Variants in PTPRJ observed in about 807,000 individuals in gnomAD.
The protein encoded by PTPRJ is receptor-type tyrosine-protein phosphatase eta.
A neutral mutation model predicts 141.3 loss-of-function variants in PTPRJ; 129 were observed. The observed-to-expected ratio is 0.91, with a 90% CI of 0.79 to 1.06. The LOEUF (loss-of-function observed/expected upper bound fraction) is 1.06, where lower values mean the gene tolerates loss of function less well. Ranked by LOEUF, PTPRJ falls within the 50% of genes least tolerant of loss-of-function variation. PTPRJ has a pLI of 0.00. For synonymous variants in PTPRJ, 610 were observed against 640.5 expected (o/e 0.95, Z 0.72); for missense variants, 1,601 against 1,679.7 (o/e 0.95, Z 0.82).
At position 48,130,567 on chromosome 11, in the gene PTPRJ, A is replaced by T; in HGVS notation, c.1466A>T (p.Glu489Val). ...AESFQMHITQ[E>V]GAGNSRVEIT... Reference sequence around the variant, plus strand: ...TCATTTCAGATGCATATCACACAGGAGGGAGCTGGCAATTCTCGGGTAGAA... The same window carrying T: ...TCATTTCAGATGCATATCACACAGGTGGGAGCTGGCAATTCTCGGGTAGAA... Residue 489 changes from glutamate to valine, a missense_variant, in exon 8 of 25, where the codon GAG becomes GTG. Glu to Val is a moderately radical substitution (Grantham distance 121, BLOSUM62 -2). Coordinates refer to ENST00000418331, the MANE Select transcript of PTPRJ (RefSeq NM_002843.4). The T allele has an allele frequency of 6.2e-7, 1 of 1,614,114 alleles. No homozygotes were observed. Among genetic ancestry groups the T allele is most frequent in the Non-Finnish European group, 8.5e-7 (1 of 1,180,004 alleles).
chr11:48,106,829 C>T (rs767517239), intron 1 of PTPRJ, among the ~76,000 whole-genome samples: 17 of 138,646 alleles, frequency 1.2e-4, no homozygotes, highest in Admixed American at 4.7e-4. Context: ...AGTGCAGTGG[C>T]GCGATCTCAG....
Position 48,127,864 on chromosome 11 carries a change from C to T in PTPRJ, c.1178C>T (p.Ser393Leu), listed in dbSNP as rs368884395. Residue 393 changes from serine to leucine, a missense_variant, in exon 7 of 25, where the codon TCG becomes TTG. Ser to Leu is a moderately radical substitution (Grantham distance 145). Coordinates refer to ENST00000418331, the MANE Select transcript of PTPRJ (RefSeq NM_002843.4). ...ATCTGGAAAGTCAGCGATAACGAGTCGTCATCTAACTATACCTACAAGATA... is the reference window on the plus strand; with the variant it reads ...ATCTGGAAAGTCAGCGATAACGAGTTGTCATCTAACTATACCTACAAGATA... ...TLIWKVSDNE[S>L]SSNYTYKIHV... is the part of the protein sequence containing the mutation. 6.2e-6 allele frequency: 10 copies of T among 1,614,180 alleles called. No individual in the cohort carries two copies. Among genetic ancestry groups the T allele is most frequent in the Admixed American group, 1.7e-5 (1 of 60,032 alleles).
At chr11:48,135,939 C>T (rs759347519) in intron 8 of PTPRJ, 100 bp from the exon 9 acceptor site, 45 of 1,370,128 alleles carry the variant, frequency 3.3e-5, no homozygotes, top group Admixed American at 6.0e-5. Context: ...CATTAGAAAG[C>T]GTAATGGCAA....
chr11:48,006,503 C>T (rs1854627270), intron 1 of PTPRJ, among the ~76,000 whole-genome samples: 1 of 152,128 alleles, frequency 6.6e-6, no homozygotes, highest in African/African-American at 2.4e-5. Context: ...CACGTGGAGG[C>T]CAGTGAGCTG....
intron 1 of PTPRJ, among the ~76,000 whole-genome samples, chr11:48,017,589 G>C (rs1189494697): frequency 1.3e-5 from 2 of 152,198 alleles, no homozygotes; most frequent in Non-Finnish European, 2.9e-5. Context: ...TGTCCCACCT[G>C]AGAGTAGTAG....
Position 48,139,641 on chromosome 11 carries a change from T to A in PTPRJ, c.2308T>A (p.Ser770Thr), listed in dbSNP as rs964170593. The A allele has an allele frequency of 6.2e-7, 1 of 1,614,220 alleles. No homozygotes were observed. Among genetic ancestry groups the A allele is most frequent in the South Asian group, 1.1e-5 (1 of 91,086 alleles). ...TGCGACCCACCTGGAGAGCTGCTCC[T>A]CTGAGAATGGCACTGAGTATAGAAC... ...NNATHLESCSSENGTEYRTEV... is the reference protein window; with the variant it reads ...NNATHLESCSTENGTEYRTEV... Residue 770 changes from serine (S) to threonine (T), a missense_variant, in exon 11 of 25, where the codon TCT becomes ACT. Coordinates refer to ENST00000418331, the MANE Select transcript of PTPRJ (RefSeq NM_002843.4).
intron 21 of PTPRJ, among the ~76,000 whole-genome samples, chr11:48,157,722 A>G (rs769003765): frequency 1.2e-4 from 18 of 152,218 alleles, no homozygotes; most frequent in Non-Finnish European, 1.8e-4. Flanking sequence ...CTAGGGGCTG[A>G]GGATGGAGGA....
intron 1 of PTPRJ, among the ~76,000 whole-genome samples, chr11:48,073,326 C>G (rs1288364217): frequency 1.3e-5 from 2 of 152,226 alleles, no homozygotes; most frequent in East Asian, 3.8e-4. Flanking sequence ...CCTGAGATCC[C>G]CGGAGGTGCA....
At chr11:48,111,189 A>G (rs1856429537) in intron 2 of PTPRJ, among the ~76,000 whole-genome samples, 1 of 148,970 alleles carries the variant, frequency 6.7e-6, no homozygotes, top group African/African-American at 2.5e-5. Context: ...CTGAGGCAGG[A>G]GAATCGCTTG....
intron 3 of PTPRJ, among the ~76,000 whole-genome samples, chr11:48,114,593 C>T (rs1433066828): frequency 6.6e-6 from 1 of 152,040 alleles, no homozygotes; most frequent in Non-Finnish European, 1.5e-5. Context: ...GGAAGCCAAT[C>T]TACAATGATT....
chr11:48,020,783 C>A (rs1855096364), intron 1 of PTPRJ, among the ~76,000 whole-genome samples: 1 of 152,130 alleles, frequency 6.6e-6, no homozygotes. Flanking sequence ...CTGCCCCTCC[C>A]ACGTTTGGAT....
chr11:48,128,291 A>G (rs114249990), intron 7 of PTPRJ, among the ~76,000 whole-genome samples: 3,156 of 152,328 alleles, frequency 0.021, 111 homozygotes, highest in African/African-American at 0.072. Context: ...ACAGCTGGAA[A>G]GTGGCAGAGG....
At chr11:48,004,288 T>G (rs1854571541) in intron 1 of PTPRJ, among the ~76,000 whole-genome samples, 2 of 152,206 alleles carry the variant, frequency 1.3e-5, no homozygotes, top group African/African-American at 4.8e-5. Flanking sequence ...TTGATCAGAT[T>G]CCTCCCCTGC....
intron 1 of PTPRJ, among the ~76,000 whole-genome samples, chr11:48,026,691 G>A (rs1246337725): frequency 1.3e-5 from 2 of 151,844 alleles, no homozygotes; most frequent in African/African-American, 2.4e-5. Context: ...CTTGTGATCC[G>A]CCTGCCTTAG....
intron 1 of PTPRJ, among the ~76,000 whole-genome samples, chr11:48,065,968 A>G (rs1855070556): frequency 6.6e-6 from 1 of 152,216 alleles, no homozygotes; most frequent in Non-Finnish European, 1.5e-5. Context: ...TGAAACATGA[A>G]AACCCTTCTC....
chr11:48,005,938 G>A (rs1487952036), intron 1 of PTPRJ, among the ~76,000 whole-genome samples: 2 of 152,252 alleles, frequency 1.3e-5, no homozygotes, highest in South Asian at 2.1e-4. Context: ...AGCCCTGTCC[G>A]GCTCTTAGCC....
chr11:47,996,815 G>A (rs1854349461), intron 1 of PTPRJ, among the ~76,000 whole-genome samples: 1 of 152,222 alleles, frequency 6.6e-6, no homozygotes, highest in Admixed American at 6.5e-5. Flanking sequence ...ATCCTATGGT[G>A]AGAAGAGAAA....
intron 1 of PTPRJ, among the ~76,000 whole-genome samples, chr11:48,032,871 C>A (rs1854020078): frequency 6.6e-6 from 1 of 152,134 alleles, no homozygotes. Flanking sequence ...CCAAACAGAC[C>A]AAGTTCCCTG....
chr11:48,097,540 A>G (rs1856041360), intron 1 of PTPRJ, among the ~76,000 whole-genome samples: 1 of 151,676 alleles, frequency 6.6e-6, no homozygotes, highest in South Asian at 2.1e-4. Context: ...ACCTGAAGAA[A>G]ATTTTTTTTT....
Sources: gnomAD v4.1 joint callset for allele counts (sites outside exome capture counted in the v4.1 genomes callset) on GRCh38, gnomAD v4.1.1 for gene constraint, MANE v1.5 for transcripts, NCBI Gene and HGNC (gene_info 2026-07-23, HGNC 2026-07-21) for gene names.